The following ELAVL1 variants were observed in gnomAD, a reference collection of about 807,000 sequenced individuals.
The protein encoded by ELAVL1 is ELAV like RNA binding protein 1, also known as ELAV-like protein 1.
Under a neutral mutation model 28.4 loss-of-function variants are expected in ELAVL1, and 1 was observed. The ratio of observed to expected loss-of-function variants is 0.04; its 90% CI spans 0.01 to 0.17. ELAVL1 has a LOEUF of 0.17. Among genes scored for constraint, ELAVL1 ranks in the 10% least tolerant of loss-of-function variants. The pLI is 1.00. For synonymous variants in ELAVL1, 174 were observed against 183.5 expected, an observed-to-expected ratio of 0.95 and a Z score of 0.42; for missense variants, 157 against 447.2, an observed-to-expected ratio of 0.35 and a Z score of 5.85.
intron 2 of ELAVL1, among the ~76,000 whole-genome samples, chr19:7,985,470 T>G (rs1985575264): frequency 6.6e-6 from 1 of 152,192 alleles, no homozygotes; most frequent in Non-Finnish European, 1.5e-5. Context: ...GGAATCCACA[T>G]CCCCAAACTC....
intron 2 of ELAVL1, among the ~76,000 whole-genome samples, chr19:7,989,880 A>C (rs2145221224): frequency 6.6e-6 from 1 of 152,342 alleles, no homozygotes; most frequent in East Asian, 1.9e-4. Context: ...GCGGCCAGAC[A>C]GGCTCTTTGG....
chr19:7,984,026 C>T (rs1384768961), intron 2 of ELAVL1, among the ~76,000 whole-genome samples: 1 of 152,100 alleles, frequency 6.6e-6, no homozygotes, highest in East Asian at 1.9e-4. Context: ...CATGGAGACC[C>T]ATGGGCCCTG....
intron 1 of ELAVL1, among the ~76,000 whole-genome samples, chr19:8,005,048 G>A (rs2081082242): frequency 1.3e-5 from 2 of 152,136 alleles, no homozygotes; most frequent in African/African-American, 2.4e-5. Context: ...CCTCGCACCG[G>A]CCGCGGTGCT....
At chr19:7,980,612 C>T (rs981083380) in intron 3 of ELAVL1, among the ~76,000 whole-genome samples, 2 of 152,212 alleles carry the variant, frequency 1.3e-5, no homozygotes, top group Non-Finnish European at 2.9e-5. Context: ...CCACACACGG[C>T]AACTGCCGGT....
intron 4 of ELAVL1, among the ~76,000 whole-genome samples, chr19:7,968,028 C>A (rs763744170): frequency 2.6e-5 from 4 of 152,194 alleles, no homozygotes; most frequent in African/African-American, 9.7e-5. Context: ...ACAGTGTTGG[C>A]GCCCAAAGAT....
At chr19:8,003,468 G>A (rs2081076008) in intron 1 of ELAVL1, among the ~76,000 whole-genome samples, 1 of 150,920 alleles carries the variant, frequency 6.6e-6, no homozygotes, top group Admixed American at 6.6e-5. Flanking sequence ...CGAGGCGGGC[G>A]GATCACAAGG....
chr19:7,993,376 TG>T (rs1985802144), intron 1 of ELAVL1, among the ~76,000 whole-genome samples: 1 of 152,204 alleles, frequency 6.6e-6, no homozygotes, highest in Non-Finnish European at 1.5e-5. Context: ...GACACCCTGC[TG>T]CTGAGGGGGC....
chr19:7,988,140 C>A (rs1207231584), intron 2 of ELAVL1, among the ~76,000 whole-genome samples: 1 of 152,110 alleles, frequency 6.6e-6, no homozygotes, highest in Non-Finnish European at 1.5e-5. Flanking sequence ...AGGATGAGAG[C>A]CAAGGACACG....
intron 1 of ELAVL1, among the ~76,000 whole-genome samples, chr19:8,003,203 C>A: frequency 6.6e-6 from 1 of 150,500 alleles, no homozygotes; most frequent in Non-Finnish European, 1.5e-5. Flanking sequence ...GCCTGCTCAA[C>A]AAGGCGAAAT....
intron 2 of ELAVL1, among the ~76,000 whole-genome samples, chr19:7,991,228 G>A (rs1282135524): frequency 2.0e-5 from 3 of 152,182 alleles, no homozygotes; most frequent in Admixed American, 1.3e-4. Flanking sequence ...AAGAGTGGGG[G>A]CCTGGACAGA....
intron 5 of ELAVL1, among the ~76,000 whole-genome samples, chr19:7,966,654 C>T (rs1177975361): frequency 6.6e-6 from 1 of 152,226 alleles, no homozygotes; most frequent in Non-Finnish European, 1.5e-5. Context: ...GGGTCTCACT[C>T]TATCACCCAG....
intron 3 of ELAVL1, among the ~76,000 whole-genome samples, chr19:7,977,209 T>C (rs1440780970): frequency 6.6e-6 from 1 of 152,068 alleles, no homozygotes. Flanking sequence ...GTGACAGGAG[T>C]TCTGCTGTTC....
At chr19:7,987,228 T>C (rs1163087687) in intron 2 of ELAVL1, among the ~76,000 whole-genome samples, 1 of 151,352 alleles carries the variant, frequency 6.6e-6, no homozygotes, top group East Asian at 1.9e-4. Flanking sequence ...TGGGCAGCGG[T>C]GTGGGCTTTA....
chr19:7,991,577 C>A, intron 2 of ELAVL1, 67 bp downstream of exon 2: 1 of 1,513,290 alleles, frequency 6.6e-7, no homozygotes, highest in African/African-American at 1.4e-5. Context: ...GAGTCACAGG[C>A]AAAGGAGACA....
intron 1 of ELAVL1, among the ~76,000 whole-genome samples, 175 bp downstream of exon 1, chr19:8,005,320 C>T (rs890986101): frequency 1.3e-5 from 2 of 149,974 alleles, no homozygotes; most frequent in Non-Finnish European, 3.0e-5. Context: ...GGCGCCCACA[C>T]CGGCCCGCCC....
chr19:7,993,776 T>C (rs543978434), intron 1 of ELAVL1, among the ~76,000 whole-genome samples: 1 of 152,240 alleles, frequency 6.6e-6, no homozygotes, highest in Admixed American at 6.5e-5. Flanking sequence ...CTGTTATGTT[T>C]GAACACCCAG....
intron 4 of ELAVL1, 78 bp from the exon 5 acceptor site, chr19:7,967,868 C>A: frequency 6.6e-7 from 1 of 1,507,506 alleles, no homozygotes; most frequent in South Asian, 1.2e-5. Context: ...AAAGTCAGGT[C>A]AGTCTACTGT....
chr19:8,005,189 G>A (rs1294832696), intron 1 of ELAVL1, among the ~76,000 whole-genome samples: 2 of 151,966 alleles, frequency 1.3e-5, no homozygotes, highest in South Asian at 2.1e-4. Context: ...CCGGAGCCCG[G>A]GCTTCCAAGG....
chr19:8,002,080 C>G (rs1234343006), intron 1 of ELAVL1: 1 of 1,289,226 alleles, frequency 7.8e-7, no homozygotes, highest in Admixed American at 2.3e-5. Flanking sequence ...GCCCTCTGCC[C>G]AGTGGACACC....
Sources: gnomAD v4.1 joint callset for allele counts (sites outside exome capture counted in the v4.1 genomes callset) on GRCh38, gnomAD v4.1.1 for gene constraint, MANE v1.5 for transcripts, NCBI Gene and HGNC (gene_info 2026-07-23, HGNC 2026-07-21) for gene names.